The following ITGBL1 variants were observed in gnomAD, a reference collection of about 807,000 sequenced individuals.
The protein encoded by ITGBL1 is integrin beta-like protein 1.
A neutral mutation model predicts 68.5 loss-of-function variants in ITGBL1; 51 were observed. That is an observed-to-expected ratio of 0.74 (90% CI 0.59 to 0.94). ITGBL1 has a LOEUF of 0.94. ITGBL1 is among the 40% of genes least tolerant of loss of function. ITGBL1 has a pLI of 0.00. For missense variants in ITGBL1, 649 were observed against 647.4 expected (o/e 1.00, Z -0.03); for synonymous variants, 209 against 227.3 (o/e 0.92, Z 0.72).
At chr13:101,620,718 T>C (rs987507452) in intron 7 of ITGBL1, among the ~76,000 whole-genome samples, 5 of 152,164 alleles carry the variant, frequency 3.3e-5, no homozygotes, top group African/African-American at 1.2e-4. Context: ...AAAGTTAGAA[T>C]AGAAGGAGAG....
intron 7 of ITGBL1, among the ~76,000 whole-genome samples, chr13:101,627,885 A>G (rs2031840679): frequency 6.6e-6 from 1 of 152,204 alleles, no homozygotes; most frequent in South Asian, 2.1e-4. Flanking sequence ...AAGTTTCGGC[A>G]ATTATAATGT....
intron 2 of ITGBL1, among the ~76,000 whole-genome samples, chr13:101,515,362 G>T (rs1276315842): frequency 1.3e-5 from 2 of 151,610 alleles, no homozygotes; most frequent in African/African-American, 4.8e-5. Context: ...CATTTTGATG[G>T]TACACAAAAC....
chr13:101,640,725 C>T (rs968305455), intron 7 of ITGBL1, among the ~76,000 whole-genome samples: 1 of 152,074 alleles, frequency 6.6e-6, no homozygotes, highest in African/African-American at 2.4e-5. Context: ...TCCCATCACC[C>T]AGGCAAAGAG....
rs559384334 is a variant in ITGBL1, at chr13:101,556,589, G to A, written c.317-11110G>A. On this transcript the variant is annotated intron_variant, in intron 2 of 10. Coordinates refer to ENST00000376180, the MANE Select transcript of ITGBL1 (RefSeq NM_004791.3). Reference sequence around the variant, plus strand: ...GGAGGTTGTGGTGAGCCGAGATTGTGCCATTGCACTCCAGCCTGGGCAACA... The same window carrying A: ...GGAGGTTGTGGTGAGCCGAGATTGTACCATTGCACTCCAGCCTGGGCAACA... 3.9e-5 allele frequency among the ~76,000 whole-genome samples: 6 copies of A among 152,208 alleles called. No individual in the cohort carries two copies. The East Asian group carries it at 7.7e-4, about 20-fold the overall frequency.
chr13:101,650,611 CT>C (rs947618247), intron 7 of ITGBL1, among the ~76,000 whole-genome samples: 6 of 142,610 alleles, frequency 4.2e-5, no homozygotes, highest in Admixed American at 1.4e-4. Flanking sequence ...CAGGTGACTT[CT>C]TTTTTTTCTT....
At chr13:101,618,688 A>G (rs1306796992) in intron 7 of ITGBL1, among the ~76,000 whole-genome samples, 1 of 152,148 alleles carries the variant, frequency 6.6e-6, no homozygotes, top group Non-Finnish European at 1.5e-5. Flanking sequence ...AACAGCCTCC[A>G]ACACACACGT....
intron 2 of ITGBL1, among the ~76,000 whole-genome samples, chr13:101,529,944 T>C (rs1294772278): frequency 4.6e-5 from 7 of 152,032 alleles, no homozygotes; most frequent in Non-Finnish European, 8.8e-5. Flanking sequence ...AAGAAAAAAA[T>C]AACTTGTGAG....
At chr13:101,717,517 C>T (rs1038108301), downstream of ITGBL1, 4 of 152,104 alleles carry the variant, frequency 2.6e-5, no homozygotes, top group South Asian at 2.1e-4. Context: ...ATGACGTATT[C>T]GCTGATGCAC....
chr13:101,717,443 C>T (rs1220377550), downstream of ITGBL1: 1 of 151,988 alleles, frequency 6.6e-6, no homozygotes, highest in Non-Finnish European at 1.5e-5. Flanking sequence ...ATATTCTTTC[C>T]TCTTCACTAC....
At chr13:101,670,681 T>C (rs1270342707) in intron 7 of ITGBL1, among the ~76,000 whole-genome samples, 1 of 152,210 alleles carries the variant, frequency 6.6e-6, no homozygotes, top group East Asian at 1.9e-4. Flanking sequence ...TTAAGTCTTT[T>C]TGACTTCAAA....
chr13:101,714,896 A>G (rs2139619955), intron 10 of ITGBL1: 1 of 241,200 alleles, frequency 4.1e-6, no homozygotes, highest in East Asian at 1.0e-4. Flanking sequence ...ATAGGGAATG[A>G]AATATTCTTT....
At chr13:101,680,270 G>A (rs1010101396) in intron 7 of ITGBL1, among the ~76,000 whole-genome samples, 12 of 152,170 alleles carry the variant, frequency 7.9e-5, no homozygotes, top group Non-Finnish European at 1.5e-4. Flanking sequence ...GCTTTCTCTA[G>A]TGCAATCAGG....
Position 101,534,565 on chromosome 13 carries a change from G to T in ITGBL1, c.317-33134G>T, listed in dbSNP as rs533302373. Among the ~76,000 whole-genome samples the T allele has an allele frequency of 3.3e-5, 5 of 152,250 alleles. No homozygotes were observed. The South Asian group carries it at 6.2e-4, about 19-fold the overall frequency. ...GACCCTGGAAAGGGTCAGTGCAGAG[G>T]TTGGACAGTCACAACTGACAGGACC... On this transcript the variant is annotated intron_variant, in intron 2 of 10. Coordinates refer to ENST00000376180, the MANE Select transcript of ITGBL1 (RefSeq NM_004791.3).
rs1208758087 is a variant in ITGBL1, at chr13:101,452,716, TGTCCGTGG to T, written c.-111_-104del. 1 of 754,608 alleles carries T rather than the reference TGTCCGTGG, an allele frequency of 1.3e-6. No homozygotes were observed. Among genetic ancestry groups the T allele is most frequent in the Non-Finnish European group, 2.3e-6 (1 of 429,264 alleles). 46.7% of individuals were successfully genotyped at this position (754,608 alleles called of 1,614,324 possible). A position where few individuals can be genotyped will look rare whatever the true frequency, so the allele number is the denominator to read the frequency against. On this transcript the variant is annotated 5_prime_UTR_variant, in exon 1 of 11. Transcript: ENST00000376180. ...GGAGCCCCGGACCTGCAAGCCTGGG[TGTCCGTGG>T]GTCCGTCTGCCCAGCCATCTGCTGG...
chr13:101,626,287 T>C (rs2139398463), intron 7 of ITGBL1, among the ~76,000 whole-genome samples: 1 of 152,366 alleles, frequency 6.6e-6, no homozygotes, highest in African/African-American at 2.4e-5. Context: ...TTTATAGCCT[T>C]TCTCATCATC....
intron 5 of ITGBL1, among the ~76,000 whole-genome samples, chr13:101,582,881 T>G (rs2050483884): frequency 6.6e-6 from 1 of 152,208 alleles, no homozygotes; most frequent in Non-Finnish European, 1.5e-5. Flanking sequence ...TCTTTCTAAT[T>G]AGCTTTCTAT....
At chr13:101,708,659 C>T (rs2034317136) in intron 9 of ITGBL1, among the ~76,000 whole-genome samples, 1 of 152,168 alleles carries the variant, frequency 6.6e-6, no homozygotes, top group Admixed American at 6.5e-5. Flanking sequence ...GGCAGAACTT[C>T]AGACATCAAA....
intron 7 of ITGBL1, among the ~76,000 whole-genome samples, chr13:101,600,276 C>T (rs370468352): frequency 1.3e-5 from 2 of 152,056 alleles, no homozygotes; most frequent in African/African-American, 2.4e-5. Flanking sequence ...GTGATTTTTG[C>T]ACATTGATTT....
chr13:101,458,882 A>C (rs1191376412), intron 2 of ITGBL1, among the ~76,000 whole-genome samples: 1 of 152,228 alleles, frequency 6.6e-6, no homozygotes, highest in Non-Finnish European at 1.5e-5. Flanking sequence ...AAGCATGGCA[A>C]GTTAAAGTAG....
Sources: allele counts gnomAD v4.1 joint callset (sites outside exome capture counted in the v4.1 genomes callset), GRCh38; gene constraint gnomAD v4.1.1; transcripts MANE v1.5; gene names NCBI Gene and HGNC (gene_info 2026-07-23, HGNC 2026-07-21).